Variants in UTP14A observed in about 807,000 individuals in gnomAD.
The protein encoded by UTP14A is U3 small nucleolar RNA-associated protein 14 homolog A.
A neutral mutation model predicts 57.2 loss-of-function variants in UTP14A; 5 were observed. That is an observed-to-expected ratio of 0.09 (90% confidence interval 0.05 to 0.18). The LOEUF (loss-of-function observed/expected upper bound fraction) is 0.18. Among genes scored for constraint, UTP14A ranks in the 10% least tolerant of loss-of-function variants. The probability of loss-of-function intolerance (pLI) is 1.00; values close to 1 mark genes in which losing one functional copy is unlikely to be tolerated. For missense variants in UTP14A, 430 were observed against 562.1 expected (o/e 0.76, Z 2.38); for synonymous variants, 169 against 210.9 (o/e 0.80, Z 1.72).
At chrX:129,928,571 G>A (rs1400204454) in intron 14 of UTP14A, among the ~76,000 whole-genome samples, 1 of 107,785 alleles carries the variant, frequency 9.3e-6, no homozygotes, top group Non-Finnish European at 1.9e-5. Flanking sequence ...TGGCTAACAC[G>A]GTGAAACCCC....
intron 14 of UTP14A, among the ~76,000 whole-genome samples, chrX:129,928,490 T>C (rs1930193946): frequency 9.5e-6 from 1 of 105,469 alleles, no homozygotes; most frequent in Middle Eastern, 4.6e-3. Flanking sequence ...GCGCGGTGGC[T>C]CACGCCTGTA....
At chrX:129,910,307 A>C (rs1307303563) in intron 4 of UTP14A, among the ~76,000 whole-genome samples, 1 of 111,694 alleles carries the variant, frequency 9.0e-6, no homozygotes, top group East Asian at 2.8e-4. Flanking sequence ...CATGTCCTTT[A>C]GGTAGATGAG....
Position 129,921,572 on chromosome X carries a change from A to G in UTP14A, c.1333A>G (p.Ser445Gly). Residue 445 changes from serine (S) to glycine (G), a missense_variant, in exon 11 of 15, where the codon AGT becomes GGT. Coordinates refer to ENST00000394422, the MANE Select transcript of UTP14A (RefSeq NM_006649.4). ...ELSQDAEPAGSQETKDSGSQE... is the reference protein window; with the variant it reads ...ELSQDAEPAGGQETKDSGSQE... ...CAGCCAAGATGCTGAGCCAGCAGGC[A>G]GTCAAGAAACAAAAGGTGAGCTGTG... is the stretch of plus-strand genomic sequence containing the variant. 1.7e-6 allele frequency: 2 copies of G among 1,210,461 alleles called. No individual in the cohort carries two copies. The highest frequency in any genetic ancestry group is 1.7e-5 in the African/African-American group (1 of 57,636).
intron 11 of UTP14A, chrX:129,922,170 T>C (rs1178947830): frequency 2.7e-5 from 3 of 112,495 alleles, no homozygotes; most frequent in Non-Finnish European, 3.7e-5. Context: ...ACTCAGGCTC[T>C]ATTTGTATGT....
intron 6 of UTP14A, among the ~76,000 whole-genome samples, chrX:129,913,052 C>T (rs916670916): frequency 9.0e-6 from 1 of 111,731 alleles, no homozygotes; most frequent in Non-Finnish European, 1.9e-5. Context: ...AGCTAGCCTA[C>T]TTTTCCAATA....
At chrX:129,929,127 G>GC (rs1039141865) in intron 14 of UTP14A, among the ~76,000 whole-genome samples, 1 of 111,518 alleles carries the variant, frequency 9.0e-6, no homozygotes, top group Non-Finnish European at 1.9e-5. Flanking sequence ...GCCAACTCAG[G>GC]CCCCCCTACT....
chrX:129,907,307 T>C (rs1929288965), intron 1 of UTP14A, 60 bp from the exon 2 acceptor site: 1 of 918,829 alleles, frequency 1.1e-6, no homozygotes, highest in Non-Finnish European at 1.5e-6. Flanking sequence ...AAGGGATACA[T>C]ATGCAGGTTT....
At chrX:129,915,796 C>CA (rs746747520) in intron 6 of UTP14A, among the ~76,000 whole-genome samples, 28 of 110,045 alleles carry the variant, frequency 2.5e-4, no homozygotes, top group Admixed American at 2.3e-3. Flanking sequence ...TCCGAATTGC[C>CA]AAATCCCAAG....
At chrX:129,922,552 T>C (rs1052277108) in intron 11 of UTP14A, 1 of 110,766 alleles carries the variant, frequency 9.0e-6, no homozygotes, top group African/African-American at 3.3e-5. Context: ...GCCTCCCAAC[T>C]AGCTGGGACT....
rs1424786865 is a variant in UTP14A, at chrX:129,921,444, A to G, written c.1205A>G (p.His402Arg). ...DPEQLPELEA[H>R]GVSESEGEER... ...GAGCAACTGCCAGAGCTTGAGGCCCATGGAGTTTCTGAAAGTGAGGGAGAA... is the reference window on the plus strand; with the variant it reads ...GAGCAACTGCCAGAGCTTGAGGCCCGTGGAGTTTCTGAAAGTGAGGGAGAA... Residue 402 changes from histidine to arginine, a missense_variant, in exon 11 of 15, where the codon CAT becomes CGT. His to Arg is a conservative substitution (Grantham distance 29). This residue lies in a region of UTP14A where 83 missense variants were observed against 140.4 expected (regional missense o/e 0.59). Coordinates refer to ENST00000394422, the MANE Select transcript of UTP14A (RefSeq NM_006649.4). 6 of 1,210,212 alleles carry G rather than the reference A, an allele frequency of 5.0e-6. No individual in the cohort carries two copies. The highest frequency in any genetic ancestry group is 6.7e-6 in the Non-Finnish European group (6 of 895,377).
chrX:129,924,784 T>G lies in UTP14A; in HGVS notation c.1349-11T>G, dbSNP rs1157885892. ...TCATTTTCTGACAGTTTTCATTCTT[T>G]TTTCCCCCAGATTCTGGCAGCCAGG... On this transcript the variant is annotated splice_polypyrimidine_tract_variant and intron_variant, in intron 11 of 14. Coordinates refer to ENST00000394422, the MANE Select transcript of UTP14A (RefSeq NM_006649.4). 1.7e-6 allele frequency: 2 copies of G among 1,191,082 alleles called. No individual in the cohort carries two copies. Among genetic ancestry groups the G allele is most frequent in the African/African-American group, 1.8e-5 (1 of 56,317 alleles).
At chrX:129,913,968 G>GCA (rs1929581524) in intron 6 of UTP14A, among the ~76,000 whole-genome samples, 1 of 111,107 alleles carries the variant, frequency 9.0e-6, no homozygotes, top group African/African-American at 3.3e-5. Context: ...GCAATAGAAT[G>GCA]AGACTCTGTC....
rs748141404 is a variant in UTP14A, at chrX:129,908,126, A to G, written c.169A>G (p.Asn57Asp). 9 of 1,201,292 alleles carry G rather than the reference A, an allele frequency of 7.5e-6. No homozygotes were observed. Among genetic ancestry groups the G allele is most frequent in the Non-Finnish European group, 9.0e-6 (8 of 890,972 alleles). Residue 57 changes from asparagine to aspartate, a missense_variant, in exon 3 of 15, where the codon AAT (asparagine) becomes GAT (aspartate). Physicochemically the swap from Asn to Asp is conservative, Grantham distance 23. Transcript: ENST00000394422. ...LEAISSLDGK[N>D]RRKLAERSEA... The stretch of plus-strand genomic sequence containing the variant: ...AGCAATCAGTTCCCTTGATGGAAAG[A>G]ATAGGTAACGTTCCCGTCAGTTAGG...
intron 11 of UTP14A, 61 bp downstream of exon 11, chrX:129,921,648 A>G: frequency 8.9e-7 from 1 of 1,123,493 alleles, no homozygotes; most frequent in African/African-American, 1.8e-5. Flanking sequence ...TATGGGAGAA[A>G]AAAAAAATGT....
At chrX:129,927,354 C>G (rs1403984207) in intron 14 of UTP14A, among the ~76,000 whole-genome samples, 1 of 111,745 alleles carries the variant, frequency 8.9e-6, no homozygotes, top group Non-Finnish European at 1.9e-5. Context: ...TTCTGTTGCC[C>G]TGGTTGACAA....
At chrX:129,911,360 A>T (rs1929460383) in intron 5 of UTP14A, among the ~76,000 whole-genome samples, 1 of 110,558 alleles carries the variant, frequency 9.0e-6, no homozygotes, top group Admixed American at 9.7e-5. Context: ...AGGTAGGCGG[A>T]TCACCTGAGG....
chrX:129,914,593 C>T (rs1019527489), intron 6 of UTP14A, among the ~76,000 whole-genome samples: 1 of 109,656 alleles, frequency 9.1e-6, no homozygotes. Context: ...CGCCCTCCCC[C>T]AAAAAAAAGA....
chrX:129,921,500 T>A lies in UTP14A; in HGVS notation c.1261T>A (p.Leu421Met). 1 of 1,211,053 alleles carries A rather than the reference T, an allele frequency of 8.3e-7. No individual in the cohort carries two copies. The highest frequency in any genetic ancestry group is 1.1e-6 in the Non-Finnish European group (1 of 895,368). ...ERPVAEEEIL[L>M]REFEERRSLR... The stretch of plus-strand genomic sequence containing the variant: ...ACCAGTGGCAGAAGAAGAAATTTTG[T>A]TGAGAGAATTTGAGGAAAGGCGATC... Residue 421 changes from leucine to methionine, a missense_variant, in exon 11 of 15, where the codon TTG becomes ATG. Around this residue, in one of 4 missense-constraint regions of UTP14A, gnomAD observed 120 missense variants for 116.8 expected, o/e 1.03. Coordinates refer to ENST00000394422, the MANE Select transcript of UTP14A (RefSeq NM_006649.4).
chrX:129,928,915 G>A (rs1409639015), intron 14 of UTP14A, among the ~76,000 whole-genome samples: 1 of 110,786 alleles, frequency 9.0e-6, no homozygotes, highest in Non-Finnish European at 1.9e-5. Context: ...CAGCCCTGGA[G>A]CTCCTGTAGC....
Sources: gnomAD v4.1 joint callset for allele counts (sites outside exome capture counted in the v4.1 genomes callset) on GRCh38, gnomAD v4.1.1 for gene constraint, gnomAD v4.1.1 regional missense constraint, MANE v1.5 for transcripts, NCBI Gene and HGNC (gene_info 2026-07-23, HGNC 2026-07-21) for gene names.